Variants in USP50 observed in about 807,000 individuals in gnomAD.
The protein encoded by USP50 is ubiquitin carboxyl-terminal hydrolase 50.
In USP50, 37 loss-of-function variants were observed where a neutral mutation model predicts 39.2. That is an observed-to-expected ratio of 0.94 (90% CI 0.73 to 1.24). The LOEUF (loss-of-function observed/expected upper bound fraction) is 1.24, where lower values mean the gene tolerates loss of function less well. Ranked by LOEUF, USP50 falls within the 50% of genes most tolerant of loss-of-function variation. The pLI is 0.00. For synonymous variants in USP50, 139 were observed against 144.5 expected, an observed-to-expected ratio of 0.96 and a Z score of 0.27; for missense variants, 374 against 398.2, an observed-to-expected ratio of 0.94 and a Z score of 0.52.
At chr15:50,497,297 T>C, downstream of USP50, 9 of 1,530,670 alleles carry the variant, frequency 5.9e-6, no homozygotes, top group Non-Finnish European at 7.0e-6. Flanking sequence ...TTCTGTGTAA[T>C]TTATACTTGT....
intron 6 of USP50, chr15:50,501,779 T>C (rs1445375198): frequency 6.6e-6 from 1 of 152,146 alleles, no homozygotes; most frequent in Non-Finnish European, 1.5e-5. Flanking sequence ...GGCCCGTGGG[T>C]CAACTCCAGG....
At chr15:50,532,564 T>C (rs1051970979) in intron 5 of USP50, among the ~76,000 whole-genome samples, 5 of 152,102 alleles carry the variant, frequency 3.3e-5, no homozygotes, top group Non-Finnish European at 7.3e-5. Flanking sequence ...AGTCAGTTTC[T>C]CTTACCCAGT....
intron 4 of USP50, 115 bp downstream of exon 4, chr15:50,540,934 T>TA: frequency 1.2e-6 from 1 of 807,212 alleles, no homozygotes; most frequent in Middle Eastern, 2.7e-4. Flanking sequence ...TATTTTTTTT[T>TA]AAATTAAAGT....
At chr15:50,543,862 A>C in intron 2 of USP50, 69 bp from the exon 3 acceptor site, 1 of 1,462,626 alleles carries the variant, frequency 6.8e-7, no homozygotes, top group Non-Finnish European at 9.4e-7. Context: ...ACCCAAGCCT[A>C]GGAAATTAGT....
At chr15:50,505,840 C>T (rs900169581) in intron 6 of USP50, 1 of 152,234 alleles carries the variant, frequency 6.6e-6, no homozygotes, top group Admixed American at 6.5e-5. Flanking sequence ...GCCTGTAGTC[C>T]CAGCTACTTG....
intron 6 of USP50, among the ~76,000 whole-genome samples, chr15:50,526,994 A>G (rs2052903172): frequency 6.6e-6 from 1 of 152,230 alleles, no homozygotes. Flanking sequence ...CAAAGAATCT[A>G]GCAAATGAAG....
chr15:50,521,377 A>T (rs2052849535), intron 6 of USP50, among the ~76,000 whole-genome samples: 1 of 152,190 alleles, frequency 6.6e-6, no homozygotes, highest in African/African-American at 2.4e-5. Context: ...TATTGTATAC[A>T]TGTATCAAAA....
chr15:50,496,966 A>T (rs10519278), downstream of USP50: 208,677 of 1,262,744 alleles, frequency 0.17, 19,206 homozygotes, highest in Admixed American at 0.3. Context: ...GAAGGCAGGA[A>T]CTCTTTTGTG....
rs546369949 is a variant in USP50 at position 50,526,726 on chromosome 15, T to C, written c.936+3071A>G. Among the ~76,000 whole-genome samples the C allele has an allele frequency of 2.6e-4, 40 of 152,280 alleles. No homozygotes were observed. The East Asian group carries it at 6.8e-3, about 26-fold the overall frequency. On this transcript the variant is annotated intron_variant, in intron 6 of 6. Coordinates refer to ENST00000532404, the MANE Select transcript of USP50 (RefSeq NM_203494.5). ...TGTTTAACAATCAGAGGCAGCACAA[T>C]GTCAGAGACGAGAGCAAGACGGTTT...
intron 6 of USP50, among the ~76,000 whole-genome samples, chr15:50,516,833 T>C (rs1229522132): frequency 6.6e-6 from 1 of 151,902 alleles, no homozygotes; most frequent in Non-Finnish European, 1.5e-5. Flanking sequence ...AGAAGGTCAT[T>C]ATATAATGAT....
intron 6 of USP50, among the ~76,000 whole-genome samples, chr15:50,529,359 A>AT (rs1221166964): frequency 6.6e-5 from 10 of 150,732 alleles, no homozygotes; most frequent in Non-Finnish European, 1.2e-4. Flanking sequence ...TAAAAAAAAA[A>AT]AAAAAAAAAT....
chr15:50,509,757 C>A (rs899708722), intron 6 of USP50: 4 of 152,010 alleles, frequency 2.6e-5, no homozygotes, highest in Non-Finnish European at 5.9e-5. Flanking sequence ...ATTGTTAATA[C>A]CCTAAAAACT....
intron 6 of USP50, among the ~76,000 whole-genome samples, chr15:50,518,140 C>T (rs2052817663): frequency 6.6e-6 from 1 of 152,052 alleles, no homozygotes; most frequent in African/African-American, 2.4e-5. Context: ...TAAAAACAGA[C>T]ACATAGGCCA....
downstream of USP50, chr15:50,499,144 G>A: frequency 6.7e-7 from 1 of 1,493,978 alleles, no homozygotes. Context: ...CACAACTCTT[G>A]AAATGCTTAT....
Position 50,529,894 on chromosome 15 carries a change from C to T in USP50, c.839G>A (p.Arg280Lys), listed in dbSNP as rs769138054. Reference sequence around the variant, plus strand: ...AGTGAGTGGGTAATGAATATCCGTTCTCAGCTTCCTTTTTGTTGTACCCTG... The same window carrying T: ...AGTGAGTGGGTAATGAATATCCGTTTTCAGCTTCCTTTTTGTTGTACCCTG... ...DIQGTTKRKL[R>K]TDIHYPLTNL... is the part of the protein sequence containing the mutation. The change falls in exon 6 of 7, where the codon AGA becomes AAA. Residue 280 changes from arginine (R) to lysine (K), a missense_variant. By Grantham distance (26) the Arg-to-Lys change is conservative. Transcript: ENST00000532404. 1.2e-6 allele frequency: 2 copies of T among 1,613,978 alleles called. No homozygotes were observed. The highest frequency in any genetic ancestry group is 2.2e-5 in the South Asian group (2 of 91,076).
In USP50 at chr15:50,534,424, G is replaced by A. The variant is rs993464997; in HGVS notation, c.803+4285C>T. Among the ~76,000 whole-genome samples the A allele has an allele frequency of 2.2e-4, 34 of 152,096 alleles. 1 individual carries two copies. Among genetic ancestry groups the A allele is most frequent in the Admixed American group, 1.6e-3 (24 of 15,270 alleles). On this transcript the variant is annotated intron_variant, in intron 5 of 6. Coordinates refer to ENST00000532404, the MANE Select transcript of USP50 (RefSeq NM_203494.5). ...TGCTCAGTAAAACCACAAAAAGCAGGAAAAGAGTGGTAGATAAAAACAGGA... is the reference window on the plus strand; with the variant it reads ...TGCTCAGTAAAACCACAAAAAGCAGAAAAAGAGTGGTAGATAAAAACAGGA...
At chr15:50,500,482 A>G (rs2052563190), downstream of USP50, 1 of 317,720 alleles carries the variant, frequency 3.1e-6, no homozygotes. Flanking sequence ...ACCAAGACCC[A>G]TCTTCTGGAC....
chr15:50,496,964 G>C, downstream of USP50: 1 of 1,243,402 alleles, frequency 8.0e-7, no homozygotes, highest in Non-Finnish European at 1.1e-6. Flanking sequence ...GGGAAGGCAG[G>C]AACTCTTTTG....
intron 6 of USP50, among the ~76,000 whole-genome samples, chr15:50,517,316 C>CA (rs759305841): frequency 1.3e-5 from 2 of 150,950 alleles, no homozygotes; most frequent in Middle Eastern, 3.2e-3. Flanking sequence ...ACTAAAAATA[C>CA]AAAAAATTAG....
Sources: gnomAD v4.1 joint callset for allele counts (sites outside exome capture counted in the v4.1 genomes callset) on GRCh38, gnomAD v4.1.1 for gene constraint, MANE v1.5 for transcripts, NCBI Gene and HGNC (gene_info 2026-07-23, HGNC 2026-07-21) for gene names.